Variants in LMCD1 observed in about 807,000 individuals in gnomAD.
LMCD1 encodes the protein LIM and cysteine rich domains 1.
In LMCD1, 32 loss-of-function variants were observed where a neutral mutation model predicts 42.7. That is an observed-to-expected ratio of 0.75 (90% CI 0.57 to 1.01). LMCD1 has a LOEUF of 1.01. LMCD1 is among the 50% of genes least tolerant of loss of function. The pLI, the probability that LMCD1 is intolerant of heterozygous loss-of-function variation, is 0.00. For synonymous variants in LMCD1, 178 were observed against 184.9 expected, an observed-to-expected ratio of 0.96 and a Z score of 0.30; for missense variants, 458 against 483.1, an observed-to-expected ratio of 0.95 and a Z score of 0.49.
At chr3:8,553,319 G>A (rs557211109) in intron 4 of LMCD1, among the ~76,000 whole-genome samples, 1 of 152,316 alleles carries the variant, frequency 6.6e-6, no homozygotes, top group East Asian at 1.9e-4. Context: ...AGCAATGGCA[G>A]GGTCAGCCTG....
chr3:8,515,194 T>C (rs1166920627), intron 1 of LMCD1, among the ~76,000 whole-genome samples: 1 of 152,170 alleles, frequency 6.6e-6, no homozygotes, highest in African/African-American at 2.4e-5. Flanking sequence ...TTTCAAATCT[T>C]GCCATTGAAT....
chr3:8,555,250 C>T (rs1023761752), intron 4 of LMCD1, among the ~76,000 whole-genome samples: 2 of 150,712 alleles, frequency 1.3e-5, no homozygotes, highest in Non-Finnish European at 3.0e-5. Flanking sequence ...CAGCCCAACT[C>T]CAGCCCCAAT....
chr3:8,549,953 T>C, intron 4 of LMCD1: 1 of 1,151,116 alleles, frequency 8.7e-7, no homozygotes, highest in Non-Finnish European at 1.3e-6. Flanking sequence ...ACCTGAGCCC[T>C]CACGACCCAA....
At position 8,567,603 on chromosome 3, in the gene LMCD1, C is replaced by T; in HGVS notation, c.*5C>T. The T allele has an allele frequency of 6.2e-7, 1 of 1,610,782 alleles. No individual in the cohort carries two copies. The highest frequency in any genetic ancestry group is 8.5e-7 in the Non-Finnish European group (1 of 1,178,128). On this transcript the variant is annotated 3_prime_UTR_variant, in exon 6 of 6. Coordinates refer to ENST00000157600, the MANE Select transcript of LMCD1 (RefSeq NM_014583.4). ...AGCAAGTCCAAACGCTCCTGAAGGG[C>T]TGCCCACCCACAGCCAGAATCCACA...
In LMCD1 at chr3:8,571,210, T is replaced by C. The variant is rs1695208447; in HGVS notation, c.*3612T>C. ...TACAGTAATTCTTCCAAGGCCTTTATTGTGCTATAATTATTTATTCATGAA... is the reference window on the plus strand; with the variant it reads ...TACAGTAATTCTTCCAAGGCCTTTACTGTGCTATAATTATTTATTCATGAA... On this transcript the variant is annotated 3_prime_UTR_variant, in exon 6 of 6. Coordinates refer to ENST00000157600, the MANE Select transcript of LMCD1 (RefSeq NM_014583.4). 1 of 152,178 alleles carries C rather than the reference T, an allele frequency of 6.6e-6. No homozygotes were observed. The highest frequency in any genetic ancestry group is 1.5e-5 in the Non-Finnish European group (1 of 68,040). 9.4% of individuals were successfully genotyped at this position (152,178 alleles called of 1,614,324 possible).
At position 8,537,137 on chromosome 3, in the gene LMCD1, C is replaced by T. The variant is rs147507453; in HGVS notation, c.132-48C>T. ...ATGCTGCTAGCAGGAGAATGTGCCT[C>T]TTTTTCCTGGAGGTTAATCTCACTG... On this transcript the variant is annotated intron_variant, in intron 2 of 5. Transcript: ENST00000157600. 6.3e-5 allele frequency: 100 copies of T among 1,587,304 alleles called. No homozygotes were observed. In the African/African-American group the frequency reaches 1.2e-3, roughly 19 times the overall value.
chr3:8,507,934 G>A (rs1574944411), intron 1 of LMCD1, among the ~76,000 whole-genome samples: 1 of 152,194 alleles, frequency 6.6e-6, no homozygotes, highest in South Asian at 2.1e-4. Flanking sequence ...CTCATTGATA[G>A]TCTGGTTCAG....
At chr3:8,549,849 C>T (rs1694808974) in intron 4 of LMCD1, 1 of 712,110 alleles carries the variant, frequency 1.4e-6, no homozygotes. Flanking sequence ...GGTGTGCTAA[C>T]TCGGGTCTCT....
chr3:8,504,877 G>C (rs1029491275), intron 1 of LMCD1, among the ~76,000 whole-genome samples: 2 of 152,216 alleles, frequency 1.3e-5, no homozygotes, highest in Non-Finnish European at 2.9e-5. Context: ...TGTTTATTAA[G>C]GATGCAAGTT....
At chr3:8,511,145 C>T (rs188928826) in intron 1 of LMCD1, among the ~76,000 whole-genome samples, 1 of 152,318 alleles carries the variant, frequency 6.6e-6, no homozygotes, top group East Asian at 1.9e-4. Flanking sequence ...TTATTGTACT[C>T]ACAACAATCA....
In LMCD1 at chr3:8,558,329, G is replaced by T. The variant is rs114379345; in HGVS notation, c.724-7103G>T. 7.8e-3 allele frequency among the ~76,000 whole-genome samples: 1,194 copies of T among 152,292 alleles called. 16 individuals are homozygous for T. Among genetic ancestry groups the T allele is most frequent in the African/African-American group, 0.028 (1,164 of 41,558 alleles). On this transcript the variant is annotated intron_variant, in intron 4 of 5. Transcript: ENST00000157600. ...TAAAATGTTCCTCAGCTTTCTTGAG[G>T]CAGGTGTTTACAAATTGCAAAGGCC...
Position 8,548,732 on chromosome 3 carries a change from A to G in LMCD1, c.552A>G (p.Glu184=). ...AGAATGAGTTGAAACTGATGGAAGA[A>G]TTTGTCAAGCAATATAAGAGCGAGG... The part of the protein sequence containing the change: ...LLENELKLME[E]FVKQYKSEAL... The change falls in exon 4 of 6, where the codon GAA becomes GAG. Residue 184 remains glutamate, a synonymous_variant. Transcript: ENST00000157600. The G allele has an allele frequency of 6.2e-7, 1 of 1,614,116 alleles. No homozygotes were observed. The highest frequency in any genetic ancestry group is 8.5e-7 in the Non-Finnish European group (1 of 1,180,008).
chr3:8,551,679 A>G (rs1694841459), intron 4 of LMCD1, among the ~76,000 whole-genome samples: 1 of 152,200 alleles, frequency 6.6e-6, no homozygotes, highest in Non-Finnish European at 1.5e-5. Flanking sequence ...GTAGCTAGAT[A>G]GGCTGACAGG....
rs1201489261 is a variant in LMCD1, at chr3:8,568,592, AAATT to A, written c.*998_*1001del. On this transcript the variant is annotated 3_prime_UTR_variant, in exon 6 of 6. Coordinates refer to ENST00000157600, the MANE Select transcript of LMCD1 (RefSeq NM_014583.4). The stretch of plus-strand genomic sequence containing the variant: ...ATCAGAAACAAAATTTTTTCAATAA[AAATT>A]AATCTAAAATTTAACAATGCCACTT... The A allele has an allele frequency of 1.3e-5, 2 of 152,194 alleles. No individual in the cohort carries two copies. The highest frequency in any genetic ancestry group is 2.9e-5 in the Non-Finnish European group (2 of 68,036). The allele number at this position is 152,194 out of a possible 1,614,324, so 9.4% of individuals were successfully genotyped here. A position where few individuals can be genotyped will look rare whatever the true frequency, so the allele number is the denominator to read the frequency against.
chr3:8,506,112 C>T (rs1054880995), intron 1 of LMCD1, among the ~76,000 whole-genome samples: 6 of 152,234 alleles, frequency 3.9e-5, no homozygotes, highest in African/African-American at 1.4e-4. Context: ...GATTTTTGTC[C>T]TAAGCTGCAG....
chr3:8,524,985 C>T (rs1191113680), intron 1 of LMCD1, among the ~76,000 whole-genome samples: 1 of 152,092 alleles, frequency 6.6e-6, no homozygotes, highest in Non-Finnish European at 1.5e-5. Context: ...GAGCCTAGCC[C>T]AAATTGATGT....
At chr3:8,554,621 A>C (rs1050203223) in intron 4 of LMCD1, among the ~76,000 whole-genome samples, 4 of 151,884 alleles carry the variant, frequency 2.6e-5, no homozygotes, top group Non-Finnish European at 4.4e-5. Flanking sequence ...ACCCATTCAC[A>C]CCAGGCTGGT....
chr3:8,518,772 G>C (rs1195276222), intron 1 of LMCD1, among the ~76,000 whole-genome samples: 1 of 152,186 alleles, frequency 6.6e-6, no homozygotes, highest in Non-Finnish European at 1.5e-5. Context: ...GAGCCAGTGG[G>C]AGAACCTTGG....
intron 4 of LMCD1, among the ~76,000 whole-genome samples, chr3:8,558,435 G>A (rs1256235478): frequency 1.3e-5 from 2 of 152,226 alleles, no homozygotes; most frequent in Non-Finnish European, 2.9e-5. Context: ...ACTGGCACAG[G>A]AAGAAACTTC....
Sources: gnomAD v4.1 joint callset for allele counts (sites outside exome capture counted in the v4.1 genomes callset) on GRCh38, gnomAD v4.1.1 for gene constraint, MANE v1.5 for transcripts, NCBI Gene and HGNC (gene_info 2026-07-23, HGNC 2026-07-21) for gene names.